UBE2E2: variants seen among roughly 807,000 people sequenced by gnomAD.
UBE2E2 encodes ubiquitin-conjugating enzyme E2 E2.
Under a neutral mutation model 24.7 loss-of-function variants are expected in UBE2E2, and 6 were observed. The observed-to-expected ratio is 0.24, with a 90% confidence interval of 0.13 to 0.48. The LOEUF (loss-of-function observed/expected upper bound fraction) is 0.48, where lower values mean the gene tolerates loss of function less well. Ranked by LOEUF, UBE2E2 falls within the 20% of genes least tolerant of loss-of-function variation. The pLI is 0.99. For synonymous variants in UBE2E2, 104 were observed against 83.6 expected (o/e 1.24, Z -1.33); for missense variants, 169 against 245.0 (o/e 0.69, Z 2.07).
intron 3 of UBE2E2, among the ~76,000 whole-genome samples, chr3:23,256,091 A>G (rs1268105916): frequency 3.9e-5 from 6 of 152,210 alleles, no homozygotes; most frequent in Non-Finnish European, 8.8e-5. Context: ...GACCACTATA[A>G]AGAGATCATT....
intron 3 of UBE2E2, among the ~76,000 whole-genome samples, chr3:23,475,224 G>T (rs1238294726): frequency 6.6e-6 from 1 of 151,990 alleles, no homozygotes; most frequent in African/African-American, 2.4e-5. Flanking sequence ...TCCTTTTGCA[G>T]TGCTGGTTCT....
In UBE2E2 at chr3:23,300,828, C is replaced by T. The variant is rs1345285934; in HGVS notation, c.227+83516C>T. On this transcript the variant is annotated intron_variant, in intron 3 of 5. Coordinates refer to ENST00000396703, the MANE Select transcript of UBE2E2 (RefSeq NM_152653.4). Reference sequence around the variant, plus strand: ...TATATTTCCTGAATCTGAATGTTGGCCTGCCTTGCTAGATTGGGGAAGTTC... The same window carrying T: ...TATATTTCCTGAATCTGAATGTTGGTCTGCCTTGCTAGATTGGGGAAGTTC... Among the ~76,000 whole-genome samples the T allele has an allele frequency of 4.6e-5, 7 of 152,018 alleles. No homozygotes were observed. In the East Asian group the frequency reaches 5.8e-4, roughly 13 times the overall value.
chr3:23,377,711 C>T (rs1696555771), intron 3 of UBE2E2, among the ~76,000 whole-genome samples: 1 of 152,210 alleles, frequency 6.6e-6, no homozygotes, highest in Non-Finnish European at 1.5e-5. Flanking sequence ...CAGCAAGTTA[C>T]TTTAAACTTT....
chr3:23,487,360 G>A (rs1699395898), intron 3 of UBE2E2, among the ~76,000 whole-genome samples: 1 of 152,184 alleles, frequency 6.6e-6, no homozygotes, highest in Non-Finnish European at 1.5e-5. Context: ...CTGGGCAGCT[G>A]CAGCTGCGCC....
At chr3:23,546,105 A>G (rs1212391418) in intron 5 of UBE2E2, among the ~76,000 whole-genome samples, 6 of 152,246 alleles carry the variant, frequency 3.9e-5, no homozygotes, top group Non-Finnish European at 5.9e-5. Flanking sequence ...TTACCACTAT[A>G]CAGTTTATCC....
chr3:23,422,284 T>C (rs1472539508), intron 3 of UBE2E2, among the ~76,000 whole-genome samples: 1 of 152,072 alleles, frequency 6.6e-6, no homozygotes, highest in African/African-American at 2.4e-5. Context: ...AGTTGGCTAT[T>C]TTAGATAACA....
chr3:23,504,009 A>G (rs1694370880), intron 4 of UBE2E2, among the ~76,000 whole-genome samples: 1 of 77,042 alleles, frequency 1.3e-5, no homozygotes, highest in African/African-American at 6.6e-5. Flanking sequence ...GCAAAAGGGA[A>G]AAAAATTTGC....
At chr3:23,461,769 T>C (rs1267559657) in intron 3 of UBE2E2, among the ~76,000 whole-genome samples, 2 of 152,216 alleles carry the variant, frequency 1.3e-5, no homozygotes, top group Non-Finnish European at 2.9e-5. Flanking sequence ...GATTATGCTA[T>C]TGCATACTTG....
chr3:23,425,329 C>T (rs569701275), intron 3 of UBE2E2, among the ~76,000 whole-genome samples: 2 of 152,140 alleles, frequency 1.3e-5, no homozygotes, highest in Non-Finnish European at 2.9e-5. Flanking sequence ...TAACTTTCTT[C>T]TCTTCCTGCT....
At chr3:23,328,589 G>C (rs369151540) in intron 3 of UBE2E2, among the ~76,000 whole-genome samples, 8 of 151,796 alleles carry the variant, frequency 5.3e-5, no homozygotes, top group South Asian at 2.1e-4. Context: ...TGGCTTTATT[G>C]GGATGTAACA....
intron 5 of UBE2E2, among the ~76,000 whole-genome samples, chr3:23,554,397 C>T (rs1157975542): frequency 6.6e-6 from 1 of 152,088 alleles, no homozygotes; most frequent in East Asian, 1.9e-4. Flanking sequence ...TGCCTGTAGC[C>T]TAAGCTACTT....
Position 23,552,528 on chromosome 3 carries a change from C to T in UBE2E2, c.508+19827C>T, listed in dbSNP as rs1695670166. On this transcript the variant is annotated intron_variant, in intron 5 of 5. Coordinates refer to ENST00000396703, the MANE Select transcript of UBE2E2 (RefSeq NM_152653.4). ...TAAAGAAAGCATAAACAAGGACAGT[C>T]ACCAAGGAGAGGTTTTGGGTTTTAA... Among the ~76,000 whole-genome samples, 3 of 152,128 alleles carry T rather than the reference C, an allele frequency of 2.0e-5. No homozygotes were observed. In the South Asian group the frequency reaches 6.2e-4, roughly 32 times the overall value.
chr3:23,464,950 G>A (rs2125428640), intron 3 of UBE2E2, among the ~76,000 whole-genome samples: 1 of 152,308 alleles, frequency 6.6e-6, no homozygotes. Flanking sequence ...CTACACATGT[G>A]TATCTTCGAA....
chr3:23,254,737 T>G (rs1697667511), intron 3 of UBE2E2, among the ~76,000 whole-genome samples: 1 of 152,040 alleles, frequency 6.6e-6, no homozygotes, highest in Non-Finnish European at 1.5e-5. Context: ...CAAGAAGGAC[T>G]TGCTATAGGA....
chr3:23,290,492 T>G (rs549994419), intron 3 of UBE2E2, among the ~76,000 whole-genome samples: 14 of 152,278 alleles, frequency 9.2e-5, no homozygotes, highest in African/African-American at 3.4e-4. Context: ...TTTTTAATTT[T>G]TATTTTTTTG....
intron 3 of UBE2E2, among the ~76,000 whole-genome samples, chr3:23,271,571 T>C (rs771734780): frequency 6.6e-6 from 1 of 152,088 alleles, no homozygotes; most frequent in Non-Finnish European, 1.5e-5. Context: ...ATTGGTCCAT[T>C]TTACAGAGAG....
intron 3 of UBE2E2, among the ~76,000 whole-genome samples, chr3:23,291,187 T>A (rs991886486): frequency 1.7e-4 from 26 of 152,058 alleles, no homozygotes; most frequent in African/African-American, 6.0e-4. Context: ...ATAAGGGACT[T>A]CTAGGTAGAA....
chr3:23,279,523 TG>T lies in UBE2E2; in HGVS notation c.227+62215del, dbSNP rs140584502. The stretch of plus-strand genomic sequence containing the variant: ...CATACATTCTATATTCACTTTGGGG[TG>T]GGGTTTTAACATTAAAATGAGGAGG... On this transcript the variant is annotated intron_variant, in intron 3 of 5. Coordinates refer to ENST00000396703, the MANE Select transcript of UBE2E2 (RefSeq NM_152653.4). Among the ~76,000 whole-genome samples the T allele has an allele frequency of 5.8e-4, 88 of 152,134 alleles. 3 individuals carry two copies. The East Asian group carries it at 0.016, about 27-fold the overall frequency.
At chr3:23,240,939 A>G (rs1053752715) in intron 3 of UBE2E2, among the ~76,000 whole-genome samples, 4 of 152,128 alleles carry the variant, frequency 2.6e-5, no homozygotes, top group African/African-American at 9.7e-5. Flanking sequence ...TTAAGGTTTA[A>G]TTTTATTTAA....
Sources: allele counts gnomAD v4.1 joint callset (sites outside exome capture counted in the v4.1 genomes callset), GRCh38; gene constraint gnomAD v4.1.1; transcripts MANE v1.5; gene names NCBI Gene and HGNC (gene_info 2026-07-23, HGNC 2026-07-21).